KIF13A: variants seen among roughly 807,000 people sequenced by gnomAD.
KIF13A encodes kinesin family member 13A.
KIF13A carries 79 observed loss-of-function variants against 212.2 expected under a neutral mutation model. That is an observed-to-expected ratio of 0.37 (90% CI 0.31 to 0.45). KIF13A has a LOEUF of 0.45. Ranked by LOEUF, KIF13A falls within the 20% of genes least tolerant of loss-of-function variation. The pLI is 1.00. For missense variants in KIF13A, 1,901 were observed against 2,209.0 expected, an observed-to-expected ratio of 0.86 and a Z score of 2.79; for synonymous variants, 789 against 808.6, an observed-to-expected ratio of 0.98 and a Z score of 0.41.
intron 4 of KIF13A, among the ~76,000 whole-genome samples, chr6:17,858,388 A>C (rs1478226658): frequency 1.3e-5 from 2 of 152,206 alleles, no homozygotes; most frequent in African/African-American, 4.8e-5. Context: ...GTGTATATTC[A>C]GAGAAGAATA....
intron 2 of KIF13A, among the ~76,000 whole-genome samples, chr6:17,979,171 T>C (rs1780842020): frequency 6.6e-6 from 1 of 152,162 alleles, no homozygotes; most frequent in South Asian, 2.1e-4. Flanking sequence ...TGCACACCTG[T>C]AGTCCCAGCT....
chr6:17,943,268 G>C (rs970678603), intron 2 of KIF13A, among the ~76,000 whole-genome samples: 9 of 152,108 alleles, frequency 5.9e-5, no homozygotes, highest in Admixed American at 2.0e-4. Flanking sequence ...AAAACAATCT[G>C]AGTATAGAAA....
intron 3 of KIF13A, among the ~76,000 whole-genome samples, chr6:17,884,292 T>G (rs1249107126): frequency 6.6e-6 from 1 of 152,234 alleles, no homozygotes; most frequent in Non-Finnish European, 1.5e-5. Flanking sequence ...CACAGTGAAA[T>G]TCAGTCTATG....
rs1764875547 is a variant in KIF13A, at chr6:17,825,403, A to G, written c.1786+365T>C. ...TTATATTTGAAATTCCTGAATTTAT[A>G]TTCTGTTGGGGATTTTCACATTCTC... On this transcript the variant is annotated intron_variant, in intron 16 of 38. Transcript: ENST00000259711. This position sits in a 1 kb window ranked among gnomAD's most constrained non-coding sequence, Gnocchi z 4.5. Among the ~76,000 whole-genome samples the G allele has an allele frequency of 6.6e-6, 1 of 152,180 alleles. No homozygotes were observed. The highest frequency in any genetic ancestry group is 6.5e-5 in the Admixed American group (1 of 15,272).
At position 17,947,466 on chromosome 6, in the gene KIF13A, CCTT is replaced by C. The variant is rs998958047; in HGVS notation, c.146+39585_146+39587del. On this transcript the variant is annotated intron_variant, in intron 2 of 38. Transcript: ENST00000259711. This position sits in a 1 kb window ranked among gnomAD's most constrained non-coding sequence, Gnocchi z 4.6. The stretch of plus-strand genomic sequence containing the variant: ...GGCTAGCTACTTTTCCTTTCAGCTT[CCTT>C]CTTAACTTCAAAAGTTCAAAACTTC... Among the ~76,000 whole-genome samples the C allele has an allele frequency of 4.6e-5, 7 of 152,134 alleles. No individual in the cohort carries two copies. Among genetic ancestry groups the C allele is most frequent in the Non-Finnish European group, 1.0e-4 (7 of 68,012 alleles).
chr6:17,826,539 C>T lies in KIF13A; in HGVS notation c.1533-415G>A, dbSNP rs1764972673. 2.0e-5 allele frequency among the ~76,000 whole-genome samples: 3 copies of T among 152,046 alleles called. No individual in the cohort carries two copies. The South Asian group carries it at 6.2e-4, about 32-fold the overall frequency. ...ACCTCTAGGATCAACAATGAGGTGA[C>T]TTCAACAAATAAAATGCAAGGAAGA... On this transcript the variant is annotated intron_variant, in intron 14 of 38. Coordinates refer to ENST00000259711, the MANE Select transcript of KIF13A (RefSeq NM_022113.6). The surrounding 1 kb of genome is among the most constrained non-coding windows in gnomAD (Gnocchi z 4.7).
chr6:17,833,766 G>A (rs1468530641), intron 12 of KIF13A, among the ~76,000 whole-genome samples, 195 bp downstream of exon 12: 3 of 144,246 alleles, frequency 2.1e-5, no homozygotes, highest in South Asian at 4.6e-4. Context: ...TACGGCATGC[G>A]AACTGCTTGA....
chr6:17,955,180 A>G (rs1778249139), intron 2 of KIF13A, among the ~76,000 whole-genome samples: 1 of 152,206 alleles, frequency 6.6e-6, no homozygotes, highest in African/African-American at 2.4e-5. Flanking sequence ...GAATATGAGA[A>G]TTGATCTGGT....
At position 17,962,201 on chromosome 6, in the gene KIF13A, C is replaced by G. The variant is rs540379699; in HGVS notation, c.146+24853G>C. 2.6e-5 allele frequency among the ~76,000 whole-genome samples: 4 copies of G among 152,100 alleles called. No individual in the cohort carries two copies. The East Asian group carries it at 7.7e-4, about 29-fold the overall frequency. On this transcript the variant is annotated intron_variant, in intron 2 of 38. Coordinates refer to ENST00000259711, the MANE Select transcript of KIF13A (RefSeq NM_022113.6). ...TGGGGCGTGCCTGTAATCCCAGCTACTTGGGAGGCTGAGGCAAGAGAACTA... is the reference window on the plus strand; with the variant it reads ...TGGGGCGTGCCTGTAATCCCAGCTAGTTGGGAGGCTGAGGCAAGAGAACTA...
At chr6:17,983,066 G>C (rs1469794817) in intron 2 of KIF13A, among the ~76,000 whole-genome samples, 3 of 151,578 alleles carry the variant, frequency 2.0e-5, no homozygotes, top group African/African-American at 7.3e-5. Context: ...CCAGCTACTC[G>C]GGAGGCTGAG....
At chr6:17,779,708 T>A in intron 31 of KIF13A, 24 bp from the exon 32 acceptor site, 1 of 988,698 alleles carries the variant, frequency 1.0e-6, no homozygotes, top group Non-Finnish European at 1.6e-6. Flanking sequence ...AAAAAAGCTG[T>A]ATTAAGCTAT....
chr6:17,942,079 T>C (rs1239486879), intron 2 of KIF13A, among the ~76,000 whole-genome samples: 2 of 151,930 alleles, frequency 1.3e-5, no homozygotes, highest in African/African-American at 4.8e-5. Context: ...AGGTGGAAAC[T>C]GCTTCAGCGC....
chr6:17,931,689 T>C (rs1326660099), intron 2 of KIF13A, among the ~76,000 whole-genome samples: 1 of 152,150 alleles, frequency 6.6e-6, no homozygotes, highest in Non-Finnish European at 1.5e-5. Context: ...CCTGGTTCCA[T>C]GAAGCTCTGT....
intron 4 of KIF13A, among the ~76,000 whole-genome samples, chr6:17,866,815 CA>C (rs1367205639): frequency 2.0e-5 from 2 of 101,164 alleles, no homozygotes; most frequent in Non-Finnish European, 3.9e-5. Context: ...AAGGGGAGAA[CA>C]AAAAAGCAGC....
In KIF13A at chr6:17,764,668, T is replaced by G. The variant is rs1758784856; in HGVS notation, c.4860A>C (p.Ser1620=). ...SDMVVPSSDS[S]DQLAIQTKDA... is the part of the protein sequence containing the mutation. ...CCTTCGTCTGAATGGCCAGCTGGTC[T>G]GAGCTGTCACTAGAAGGGACCACCA... The change falls in exon 39 of 39, where the codon TCA becomes TCC. Residue 1620 remains serine, a synonymous_variant. Coordinates refer to ENST00000259711, the MANE Select transcript of KIF13A (RefSeq NM_022113.6). The surrounding 1 kb of genome is among the most constrained non-coding windows in gnomAD (Gnocchi z 5.1). 5.0e-6 allele frequency: 8 copies of G among 1,613,920 alleles called. No homozygotes were observed. In the East Asian group the frequency reaches 1.3e-4, roughly 27 times the overall value.
intron 2 of KIF13A, among the ~76,000 whole-genome samples, chr6:17,932,155 C>G (rs972871066): frequency 6.6e-6 from 1 of 152,172 alleles, no homozygotes; most frequent in Non-Finnish European, 1.5e-5. Context: ...ACATGCTAGA[C>G]ACACACACAG....
intron 2 of KIF13A, among the ~76,000 whole-genome samples, chr6:17,944,335 G>C (rs1476971649): frequency 6.6e-6 from 1 of 152,150 alleles, no homozygotes; most frequent in Non-Finnish European, 1.5e-5. Flanking sequence ...ATTTCTGAGT[G>C]CCCTCCTGAG....
rs1450602564 is a variant in KIF13A at position 17,809,113 on chromosome 6, T to C, written c.2001-183A>G. 1.3e-5 allele frequency among the ~76,000 whole-genome samples: 2 copies of C among 152,212 alleles called. No individual in the cohort carries two copies. The highest frequency in any genetic ancestry group is 4.8e-5 in the African/African-American group (2 of 41,444). On this transcript the variant is annotated intron_variant, in intron 17 of 38. Coordinates refer to ENST00000259711, the MANE Select transcript of KIF13A (RefSeq NM_022113.6). The surrounding 1 kb of genome is among the most constrained non-coding windows in gnomAD (Gnocchi z 4.7). ...AGATGGGCTATCTGTTGAGAACTAC[T>C]GATGGGAAGCAAATTGTTGAGCAAC... is the stretch of plus-strand genomic sequence containing the variant.
chr6:17,982,355 C>T lies in KIF13A; in HGVS notation c.146+4699G>A. 1.2e-6 allele frequency: 1 copy of T among 848,264 alleles called. No individual in the cohort carries two copies. Among genetic ancestry groups the T allele is most frequent in the South Asian group, 5.5e-5 (1 of 18,326 alleles). The allele number at this position is 848,264 out of a possible 1,614,324, so 52.5% of individuals were successfully genotyped here. On this transcript the variant is annotated intron_variant, in intron 2 of 38. Coordinates refer to ENST00000259711, the MANE Select transcript of KIF13A (RefSeq NM_022113.6). The surrounding 1 kb of genome is among the most constrained non-coding windows in gnomAD (Gnocchi z 5.1). ...TCAGGTGATCTGCCTGCCTTGGCCT[C>T]CCAAAGTGCTGGGATTACAGATGTG...
Sources: allele counts gnomAD v4.1 joint callset (sites outside exome capture counted in the v4.1 genomes callset), GRCh38; gene constraint gnomAD v4.1.1; non-coding constraint Gnocchi (gnomAD v3.1); transcripts MANE v1.5; gene names NCBI Gene and HGNC (gene_info 2026-07-23, HGNC 2026-07-21).